MAPKBP1: variants seen among roughly 807,000 people sequenced by gnomAD.
The protein encoded by MAPKBP1 is mitogen-activated protein kinase binding protein 1.
MAPKBP1 carries 71 observed loss-of-function variants against 170.5 expected under a neutral mutation model. That is an observed-to-expected ratio of 0.42 (90% CI 0.34 to 0.51). The LOEUF (loss-of-function observed/expected upper bound fraction) is 0.51. Ranked by LOEUF, MAPKBP1 falls within the 20% of genes least tolerant of loss-of-function variation. The pLI, the probability that MAPKBP1 is intolerant of heterozygous loss-of-function variation, is 0.06. For synonymous variants in MAPKBP1, 719 were observed against 757.9 expected, an observed-to-expected ratio of 0.95 and a Z score of 0.84; for missense variants, 1,598 against 1,933.0, an observed-to-expected ratio of 0.83 and a Z score of 3.25.
intron 28 of MAPKBP1, 98 bp from the exon 29 acceptor site, chr15:41,823,349 G>A (rs551840380): frequency 6.5e-7 from 1 of 1,544,832 alleles, no homozygotes; most frequent in Admixed American, 1.8e-5. Context: ...CCCTTAATGG[G>A]CATGTGGAGG....
chr15:41,796,605 T>A (rs184079429), intron 2 of MAPKBP1, among the ~76,000 whole-genome samples: 4 of 150,978 alleles, frequency 2.6e-5, no homozygotes, highest in African/African-American at 9.8e-5. Context: ...AAACTGCTTT[T>A]CCCCCCCCTT....
At chr15:41,799,016 C>G (rs1479389638) in intron 2 of MAPKBP1, among the ~76,000 whole-genome samples, 4 of 152,160 alleles carry the variant, frequency 2.6e-5, no homozygotes, top group Admixed American at 1.3e-4. Flanking sequence ...TTGGCATCAT[C>G]TAGCAGAAAG....
At position 41,818,428 on chromosome 15, in the gene MAPKBP1, T is replaced by G; in HGVS notation, c.2093-91T>G. On this transcript the variant is annotated intron_variant, in intron 18 of 30. Transcript: ENST00000457542. This position sits in a 1 kb window ranked among gnomAD's most constrained non-coding sequence, Gnocchi z 5.2. ...CCCGCAGAGCTACCTATCCCTACCCTGCAGCCAACCCCCGTGTCCACTGTT... is the reference window on the plus strand; with the variant it reads ...CCCGCAGAGCTACCTATCCCTACCCGGCAGCCAACCCCCGTGTCCACTGTT... 1 of 1,452,340 alleles carries G rather than the reference T, an allele frequency of 6.9e-7. No homozygotes were observed. Among genetic ancestry groups the G allele is most frequent in the Non-Finnish European group, 9.6e-7 (1 of 1,043,400 alleles). The allele number at this position is 1,452,340 out of a possible 1,614,324, so 90.0% of individuals were successfully genotyped here.
At chr15:41,819,547 C>CGGGGGGGGGGGGGGGGGG (rs3034893) in intron 21 of MAPKBP1, 48 bp from the exon 22 acceptor site, 17 of 1,235,752 alleles carry the variant, frequency 1.4e-5, no homozygotes, top group African/African-American at 3.7e-5. Flanking sequence ...GGTTGGGTGG[C>CGGGGGGGGGGGGGGGGGG]GGGGGGGGGG....
chr15:41,781,066 C>T (rs550412007), intron 2 of MAPKBP1, among the ~76,000 whole-genome samples: 1 of 144,446 alleles, frequency 6.9e-6, no homozygotes. Flanking sequence ...TTTTTTTTTG[C>T]TTTTTTTTTT....
chr15:41,816,679 G>A (rs1429053743), intron 13 of MAPKBP1, 29 bp downstream of exon 13: 5 of 1,591,576 alleles, frequency 3.1e-6, no homozygotes, highest in Non-Finnish European at 3.4e-6. Flanking sequence ...ATGGCACAGG[G>A]CTCCTCCAGT....
Position 41,822,694 on chromosome 15 carries a change from C to T in MAPKBP1, c.3314+17C>T. ...CCCACTCAGGTACAGAGGCCCCCTA[C>T]CCCCCAGCAGCAGCTCTGGCTCTCC... On this transcript the variant is annotated intron_variant, in intron 27 of 30. Transcript: ENST00000457542. 1.9e-6 allele frequency: 3 copies of T among 1,612,656 alleles called. No individual in the cohort carries two copies. The highest frequency in any genetic ancestry group is 1.1e-5 in the South Asian group (1 of 91,032).
Position 41,817,982 on chromosome 15 carries a change from A to C in MAPKBP1, c.1905-27A>C. 1 of 1,611,832 alleles carries C rather than the reference A, an allele frequency of 6.2e-7. No homozygotes were observed. Among genetic ancestry groups the C allele is most frequent in the Non-Finnish European group, 8.5e-7 (1 of 1,177,958 alleles). On this transcript the variant is annotated intron_variant, in intron 16 of 30. Coordinates refer to ENST00000457542, the MANE Select transcript of MAPKBP1 (RefSeq NM_014994.3). This position sits in a 1 kb window ranked among gnomAD's most constrained non-coding sequence, Gnocchi z 4.2. The stretch of plus-strand genomic sequence containing the variant: ...CGTGTTCCACCTTCACCGCCTCCTC[A>C]TGAGAAAGAGACTATGTTTCTTACA...
intron 3 of MAPKBP1, among the ~76,000 whole-genome samples, chr15:41,804,758 C>G (rs1000218103): frequency 2.6e-5 from 4 of 152,250 alleles, no homozygotes; most frequent in Non-Finnish European, 4.4e-5. Context: ...GTTTCCTAAG[C>G]GTGTATGCTT....
chr15:41,808,300 T>C (rs1247082242), intron 3 of MAPKBP1, among the ~76,000 whole-genome samples: 2 of 149,948 alleles, frequency 1.3e-5, no homozygotes, highest in African/African-American at 2.5e-5. Flanking sequence ...AGAGATGGGG[T>C]TTCACCATGT....
intron 3 of MAPKBP1, among the ~76,000 whole-genome samples, chr15:41,808,049 GA>G (rs1168595786): frequency 7.2e-6 from 1 of 138,616 alleles, no homozygotes; most frequent in African/African-American, 2.6e-5. Flanking sequence ...AAAAAAAAAA[GA>G]AAAAAAAATC....
At chr15:41,810,594 C>G in intron 3 of MAPKBP1, 1 of 383,702 alleles carries the variant, frequency 2.6e-6, no homozygotes, top group Non-Finnish European at 4.6e-6. Flanking sequence ...TGGCACATGC[C>G]TGTGGTTCCA....
intron 8 of MAPKBP1, 61 bp from the exon 9 acceptor site, chr15:41,813,560 G>A: frequency 1.3e-6 from 2 of 1,586,994 alleles, no homozygotes; most frequent in South Asian, 1.1e-5. Flanking sequence ...GTTGATGGGT[G>A]GGGAGGAGAG....
At chr15:41,780,584 A>C (rs993208449) in intron 2 of MAPKBP1, among the ~76,000 whole-genome samples, 1 of 152,150 alleles carries the variant, frequency 6.6e-6, no homozygotes, top group African/African-American at 2.4e-5. Flanking sequence ...TCATGTTCCC[A>C]CTGCTCCAGG....
Position 41,822,611 on chromosome 15 carries a change from C to T in MAPKBP1, c.3248C>T (p.Pro1083Leu), listed in dbSNP as rs1555454744. The change falls in exon 27 of 31, where the codon CCA (proline) becomes CTA (leucine). Residue 1083 changes from proline (P) to leucine (L), a missense_variant. Pro to Leu is a moderately conservative substitution (Grantham distance 98). Coordinates refer to ENST00000457542, the MANE Select transcript of MAPKBP1 (RefSeq NM_014994.3). ...TTGGTAGGGGCCCCAGTGCAGGTCC[C>T]AGAGAGGTCAGAGTCTCGGAGTATC... Reference protein sequence around the residue: ...GAAPGAPVQVPERSESRSISS... With the variant: ...GAAPGAPVQVLERSESRSISS... 1.9e-6 allele frequency: 3 copies of T among 1,614,050 alleles called. No homozygotes were observed. Among genetic ancestry groups the T allele is most frequent in the Non-Finnish European group, 2.5e-6 (3 of 1,179,980 alleles).
In MAPKBP1 at chr15:41,815,374, G is replaced by T; in HGVS notation, c.1286G>T (p.Gly429Val). ...LWNTESSGVH[G>V]STLHRNILSS... The stretch of plus-strand genomic sequence containing the variant: ...AACACAGAGAGCTCCGGGGTGCATG[G>T]CTCCACCCTCCACCGAAACATCCTC... The change falls in exon 11 of 31, where the codon GGC (glycine) becomes GTC (valine). Residue 429 changes from glycine (G) to valine (V), a missense_variant. By Grantham distance (109) the Gly-to-Val change is moderately radical. Transcript: ENST00000457542. The T allele has an allele frequency of 6.2e-7, 1 of 1,614,208 alleles. No homozygotes were observed. Among genetic ancestry groups the T allele is most frequent in the Admixed American group, 1.7e-5 (1 of 60,028 alleles).
chr15:41,786,777 A>AAAAAAATATATATAT, intron 2 of MAPKBP1, among the ~76,000 whole-genome samples: 3 of 32,446 alleles, frequency 9.2e-5, no homozygotes, highest in African/African-American at 3.9e-4. Flanking sequence ...AAAAAAAAAA[A>AAAAAAATATATATAT]ATATATATAT....
At chr15:41,791,407 C>T (rs2064393626) in intron 2 of MAPKBP1, among the ~76,000 whole-genome samples, 1 of 152,070 alleles carries the variant, frequency 6.6e-6, no homozygotes, top group Non-Finnish European at 1.5e-5. Context: ...TGTAGTGGTC[C>T]CTCACACTAA....
rs185232527 is a variant in MAPKBP1, at chr15:41,793,023, C to T, written c.115-6800C>T. On this transcript the variant is annotated intron_variant, in intron 2 of 30. Transcript: ENST00000457542. Reference sequence around the variant, plus strand: ...TATCCAAATGAGGCTAGGTTTTCTTCGCATACTTCCACTAGATAATGTCAG... The same window carrying T: ...TATCCAAATGAGGCTAGGTTTTCTTTGCATACTTCCACTAGATAATGTCAG... Among the ~76,000 whole-genome samples, 23 of 152,086 alleles carry T rather than the reference C, an allele frequency of 1.5e-4. No homozygotes were observed. The East Asian group carries it at 2.9e-3, about 19-fold the overall frequency.
Sources: allele counts gnomAD v4.1 joint callset (sites outside exome capture counted in the v4.1 genomes callset), GRCh38; gene constraint gnomAD v4.1.1; non-coding constraint Gnocchi (gnomAD v3.1); transcripts MANE v1.5; gene names NCBI Gene and HGNC (gene_info 2026-07-23, HGNC 2026-07-21).